The following SEC16A variants were observed in gnomAD, a reference collection of about 807,000 sequenced individuals.
The protein encoded by SEC16A is protein transport protein Sec16A.
A neutral mutation model predicts 221.9 loss-of-function variants in SEC16A; 110 were observed. The observed-to-expected ratio is 0.50, with a 90% CI of 0.42 to 0.58. SEC16A has a LOEUF of 0.58. Ranked by LOEUF, SEC16A falls within the 20% of genes least tolerant of loss-of-function variation. SEC16A has a pLI of 0.00. For synonymous variants in SEC16A, 1,393 were observed against 1,257.7 expected (o/e 1.11, Z -2.28); for missense variants, 3,165 against 3,097.8 (o/e 1.02, Z -0.52).
rs1490238452 is a variant in SEC16A at position 136,474,045 on chromosome 9, T to C, written c.3567+4A>G. The C allele has an allele frequency of 1.3e-6, 2 of 1,595,880 alleles. No individual in the cohort carries two copies. Among genetic ancestry groups the C allele is most frequent in the South Asian group, 2.2e-5 (2 of 89,580 alleles). ...GTGGGTTACACATACGACTCGACTCTTACCTGGTAATAGAGGGAGGCTGCG... is the reference window on the plus strand; with the variant it reads ...GTGGGTTACACATACGACTCGACTCCTACCTGGTAATAGAGGGAGGCTGCG... On this transcript the variant is annotated splice_donor_region_variant and intron_variant, in intron 3 of 31. Coordinates refer to ENST00000684901, the MANE Select transcript of SEC16A (RefSeq NM_014866.2).
chr9:136,473,964 A>G (rs1427639858), intron 3 of SEC16A, 85 bp downstream of exon 3: 6 of 1,412,548 alleles, frequency 4.2e-6, no homozygotes, highest in Middle Eastern at 2.6e-4. Flanking sequence ...GCGAACAAAC[A>G]CTACTAAGGA....
intron 22 of SEC16A, 90 bp downstream of exon 22, chr9:136,453,338 A>T: frequency 1.1e-6 from 1 of 909,264 alleles, no homozygotes. Flanking sequence ...AGTCCTCACT[A>T]CCATCATCTT....
rs1838262958 is a variant in SEC16A at position 136,454,091 on chromosome 9, G to A, written c.6076+18C>T. 1 of 1,545,024 alleles carries A rather than the reference G, an allele frequency of 6.5e-7. No individual in the cohort carries two copies. The highest frequency in any genetic ancestry group is 8.7e-7 in the Non-Finnish European group (1 of 1,142,984). ...CCATGCTGCTTCTGCTCTCGAGACAGCATCTCTGCAGCCCCACCTGGGTCT... is the reference window on the plus strand; with the variant it reads ...CCATGCTGCTTCTGCTCTCGAGACAACATCTCTGCAGCCCCACCTGGGTCT... On this transcript the variant is annotated intron_variant, in intron 21 of 31. Transcript: ENST00000684901.
intron 8 of SEC16A, among the ~76,000 whole-genome samples, chr9:136,464,936 A>G (rs893662763): frequency 1.3e-5 from 2 of 152,130 alleles, no homozygotes; most frequent in South Asian, 4.1e-4. Context: ...GCACCCAGCA[A>G]AAAGGACAGC....
At chr9:136,451,546 C>T (rs1837813262) in intron 22 of SEC16A, 138 bp from the exon 23 acceptor site, 1 of 1,026,988 alleles carries the variant, frequency 9.7e-7, no homozygotes, top group African/African-American at 1.6e-5. Context: ...CAGAGGGAGG[C>T]AGGAAGGGGG....
intron 22 of SEC16A, 27 bp downstream of exon 22, chr9:136,453,401 A>G: frequency 6.4e-7 from 1 of 1,572,842 alleles, no homozygotes; most frequent in African/African-American, 1.3e-5. Context: ...TGGAAAACAA[A>G]CAGTTTAAGA....
chr9:136,471,233 AGG>A (rs943758124), intron 4 of SEC16A, among the ~76,000 whole-genome samples: 109 of 152,062 alleles, frequency 7.2e-4, no homozygotes, highest in African/African-American at 2.4e-3. Flanking sequence ...TTGGGAGACC[AGG>A]GCAGGAGGAT....
At chr9:136,481,996 A>C (rs1174142801) in intron 1 of SEC16A, among the ~76,000 whole-genome samples, 6 of 152,236 alleles carry the variant, frequency 3.9e-5, no homozygotes, top group Non-Finnish European at 8.8e-5. Flanking sequence ...AAGACAAAGA[A>C]AAAGAAAAAA....
In SEC16A at chr9:136,475,746, A is replaced by G. The variant is rs1258629870; in HGVS notation, c.1870T>C (p.Phe624Leu). The G allele has an allele frequency of 1.2e-6, 2 of 1,607,340 alleles. No homozygotes were observed. The highest frequency in any genetic ancestry group is 2.7e-5 in the African/African-American group (2 of 74,774). Residue 624 changes from phenylalanine (F) to leucine (L), a missense_variant, in exon 3 of 32, where the codon TTT becomes CTT. By Grantham distance (22) the Phe-to-Leu change is conservative (BLOSUM62 0). Coordinates refer to ENST00000684901, the MANE Select transcript of SEC16A (RefSeq NM_014866.2). This position sits in a 1 kb window ranked among gnomAD's most constrained non-coding sequence, Gnocchi z 5.0. Reference protein sequence around the residue: ...VKSHLVGVKPFEADRANVVGE... With the variant: ...VKSHLVGVKPLEADRANVVGE... ...ACCACGTTGGCGCGATCTGCCTCAA[A>G]TGGTTTTACCCCAACTAAGTGAGAT...
Position 136,447,196 on chromosome 9 carries a change from A to G in SEC16A, c.6697+31T>C. On this transcript the variant is annotated intron_variant, in intron 27 of 31. Transcript: ENST00000684901. This position sits in a 1 kb window ranked among gnomAD's most constrained non-coding sequence, Gnocchi z 5.5. The stretch of plus-strand genomic sequence containing the variant: ...TCAAAGGTCAGGAGACTGGGGGCTG[A>G]CCTGGAGGGGCTGGTGCTCGTGCTA... 6.3e-7 allele frequency: 1 copy of G among 1,579,300 alleles called. No homozygotes were observed. The highest frequency in any genetic ancestry group is 8.6e-7 in the Non-Finnish European group (1 of 1,163,154).
Position 136,478,729 on chromosome 9 carries a change from G to A in SEC16A, c.-90C>T, listed in dbSNP as rs920049637. Among the ~76,000 whole-genome samples the A allele has an allele frequency of 4.6e-5, 7 of 152,112 alleles. No homozygotes were observed. The highest frequency in any genetic ancestry group is 1.3e-4 in the Admixed American group (2 of 15,268). On this transcript the variant is annotated 5_prime_UTR_variant, in exon 2 of 32. Coordinates refer to ENST00000684901, the MANE Select transcript of SEC16A (RefSeq NM_014866.2). Reference sequence around the variant, plus strand: ...CACACCTGTAGTCCCAGGGACTCAGGGGGTTAAGGAAGGAAGATCACTTGT... The same window carrying A: ...CACACCTGTAGTCCCAGGGACTCAGAGGGTTAAGGAAGGAAGATCACTTGT...
rs1836784062 is a variant in SEC16A, at chr9:136,445,118, A to C, written c.6868-7T>G. 2.2e-5 allele frequency: 36 copies of C among 1,601,166 alleles called. No individual in the cohort carries two copies. Among genetic ancestry groups the C allele is most frequent in the Non-Finnish European group, 3.0e-5 (35 of 1,173,850 alleles). On this transcript the variant is annotated splice_region_variant and splice_polypyrimidine_tract_variant and intron_variant, in intron 29 of 31. Coordinates refer to ENST00000684901, the MANE Select transcript of SEC16A (RefSeq NM_014866.2). ...TTGAACTACAGCGCGAAAGCTACAAAACAGCAAGAACACACATAAAACACG... is the reference window on the plus strand; with the variant it reads ...TTGAACTACAGCGCGAAAGCTACAACACAGCAAGAACACACATAAAACACG...
chr9:136,479,132 G>A (rs769398360), intron 1 of SEC16A, among the ~76,000 whole-genome samples: 41 of 151,966 alleles, frequency 2.7e-4, no homozygotes, highest in Non-Finnish European at 5.6e-4. Flanking sequence ...AGAAAAGAAA[G>A]GGGCAAAAAC....
intron 12 of SEC16A, among the ~76,000 whole-genome samples, chr9:136,462,629 A>C (rs575023296): frequency 1.8e-4 from 27 of 152,222 alleles, no homozygotes; most frequent in Admixed American, 6.5e-5. Context: ...CAACATGTGC[A>C]TTTATCGAAT....
intron 19 of SEC16A, 27 bp downstream of exon 19, chr9:136,456,026 C>G: frequency 6.3e-7 from 1 of 1,579,102 alleles, no homozygotes. Context: ...CCAGACGCCT[C>G]TGTGCCACCC....
Position 136,476,130 on chromosome 9 carries a change from C to T in SEC16A, c.1486G>A (p.Ala496Thr). 1 of 1,613,768 alleles carries T rather than the reference C, an allele frequency of 6.2e-7. No homozygotes were observed. The highest frequency in any genetic ancestry group is 1.1e-5 in the South Asian group (1 of 91,088). Residue 496 changes from alanine (A) to threonine (T), a missense_variant, in exon 3 of 32, where the codon GCT becomes ACT. By Grantham distance (58) the Ala-to-Thr change is moderately conservative (BLOSUM62 0). Transcript: ENST00000684901. ...QFRYGPLPGP[A>T]VPRHGAVCHT... ...CACACAGCACCATGCCTGGGCACAG[C>T]TGGCCCAGGAAGGGGCCCATATCTG...
Position 136,448,074 on chromosome 9 carries a change from C to G in SEC16A, c.6390+10G>C, listed in dbSNP as rs1242234541. On this transcript the variant is annotated intron_variant, in intron 24 of 31. Coordinates refer to ENST00000684901, the MANE Select transcript of SEC16A (RefSeq NM_014866.2). The stretch of plus-strand genomic sequence containing the variant: ...CTTCGGACGTCCCGTGCGTATTTGA[C>G]AGCACTCACCGATTTGTTCTTGTCA... The G allele has an allele frequency of 6.2e-7, 1 of 1,609,444 alleles. No homozygotes were observed. Among genetic ancestry groups the G allele is most frequent in the Admixed American group, 1.7e-5 (1 of 59,628 alleles).
intron 5 of SEC16A, among the ~76,000 whole-genome samples, chr9:136,467,285 T>C (rs935625944): frequency 4.6e-5 from 7 of 152,350 alleles, no homozygotes; most frequent in African/African-American, 7.2e-5. Flanking sequence ...CTGGCTGATT[T>C]TTCTCTCAAT....
intron 20 of SEC16A, 122 bp downstream of exon 20, chr9:136,455,479 G>C (rs2132138455): frequency 1.1e-6 from 1 of 927,038 alleles, no homozygotes; most frequent in Admixed American, 2.9e-5. Flanking sequence ...GGTGGTGTGA[G>C]ACACTGCCTC....
Sources: gnomAD v4.1 joint callset for allele counts (sites outside exome capture counted in the v4.1 genomes callset) on GRCh38, gnomAD v4.1.1 for gene constraint, Gnocchi (gnomAD v3.1) non-coding constraint, MANE v1.5 for transcripts, NCBI Gene and HGNC (gene_info 2026-07-23, HGNC 2026-07-21) for gene names.